MAPKAPK2: variants seen among roughly 807,000 people sequenced by gnomAD.
The protein encoded by MAPKAPK2 is MAPK activated protein kinase 2.
Under a neutral mutation model 48.8 loss-of-function variants are expected in MAPKAPK2, and 9 were observed. The ratio of observed to expected loss-of-function variants is 0.18; its 90% CI spans 0.11 to 0.32. MAPKAPK2 has a LOEUF of 0.32. Among genes scored for constraint, MAPKAPK2 ranks in the 10% least tolerant of loss-of-function variants. MAPKAPK2 has a pLI of 1.00. For synonymous variants in MAPKAPK2, 202 were observed against 190.6 expected, an observed-to-expected ratio of 1.06 and a Z score of -0.49; for missense variants, 331 against 498.3, an observed-to-expected ratio of 0.66 and a Z score of 3.20.
intron 1 of MAPKAPK2, among the ~76,000 whole-genome samples, chr1:206,710,029 A>AG (rs1673088847): frequency 6.6e-6 from 1 of 152,290 alleles, no homozygotes; most frequent in African/African-American, 2.4e-5. Context: ...CCTGAAAGGT[A>AG]ATCACTGCCA....
intron 1 of MAPKAPK2, among the ~76,000 whole-genome samples, chr1:206,699,286 G>A (rs35125368): frequency 0.13 from 20,150 of 152,210 alleles, 1,794 homozygotes; most frequent in Non-Finnish European, 0.2. Flanking sequence ...GCACCAGGGT[G>A]GCCAATAAAG....
chr1:206,688,700 CGA>C (rs1558571208), intron 1 of MAPKAPK2, among the ~76,000 whole-genome samples: 3 of 152,076 alleles, frequency 2.0e-5, no homozygotes, highest in African/African-American at 4.8e-5. Context: ...TGCAGTAGCA[CGA>C]TCTTGGCTCA....
At chr1:206,696,079 G>T in intron 1 of MAPKAPK2, 1 of 1,121,586 alleles carries the variant, frequency 8.9e-7, no homozygotes, top group Non-Finnish European at 1.4e-6. Context: ...CATCTCACCT[G>T]CCTTCACCTT....
chr1:206,725,050 G>A lies in MAPKAPK2; in HGVS notation c.280-3660G>A, dbSNP rs181336503. On this transcript the variant is annotated intron_variant, in intron 1 of 9. Transcript: ENST00000367103. ...CACAAGCTAGGAAGTGCAGAACTGG[G>A]ATTCAAAATGCATGCGATTGCAAAG... Among the ~76,000 whole-genome samples the A allele has an allele frequency of 4.8e-4, 73 of 152,344 alleles. 1 individual carries two copies. The highest frequency in any genetic ancestry group is 2.9e-5 in the Non-Finnish European group (2 of 68,038).
intron 1 of MAPKAPK2, among the ~76,000 whole-genome samples, chr1:206,722,400 G>T (rs1553431336): frequency 6.6e-6 from 1 of 152,014 alleles, no homozygotes; most frequent in African/African-American, 2.4e-5. Flanking sequence ...AGAAACAAAA[G>T]AAAACTTTTG....
At chr1:206,691,223 C>T (rs1226344154) in intron 1 of MAPKAPK2, among the ~76,000 whole-genome samples, 1 of 152,088 alleles carries the variant, frequency 6.6e-6, no homozygotes, top group Non-Finnish European at 1.5e-5. Flanking sequence ...AGACCTGGTT[C>T]CCTGGGACCT....
At chr1:206,688,859 C>T (rs1553425931) in intron 1 of MAPKAPK2, among the ~76,000 whole-genome samples, 1 of 152,142 alleles carries the variant, frequency 6.6e-6, no homozygotes, top group East Asian at 1.9e-4. Flanking sequence ...TGGTCTTGAT[C>T]TCCTGACCTC....
At chr1:206,720,488 A>C (rs1208685661) in intron 1 of MAPKAPK2, among the ~76,000 whole-genome samples, 5 of 152,082 alleles carry the variant, frequency 3.3e-5, no homozygotes, top group Non-Finnish European at 5.9e-5. Context: ...AGTAGCTGGG[A>C]TTGCTTACAG....
chr1:206,719,304 C>T (rs1553430896), intron 1 of MAPKAPK2, among the ~76,000 whole-genome samples: 3 of 152,190 alleles, frequency 2.0e-5, no homozygotes, highest in South Asian at 2.1e-4. Context: ...CCGACAGGCA[C>T]AGTGGCCCGC....
chr1:206,726,535 G>A (rs1001549899), intron 1 of MAPKAPK2, among the ~76,000 whole-genome samples: 11 of 152,244 alleles, frequency 7.2e-5, no homozygotes, highest in Non-Finnish European at 1.2e-4. Context: ...CCATGGGAGA[G>A]ACCGAGTTAT....
chr1:206,696,192 A>C (rs963007934), intron 1 of MAPKAPK2: 13 of 1,533,074 alleles, frequency 8.5e-6, no homozygotes, highest in Admixed American at 6.7e-5. Context: ...CACCAAATAC[A>C]TTCTCTCCTT....
chr1:206,714,539 G>C (rs1354407233), intron 1 of MAPKAPK2, among the ~76,000 whole-genome samples: 1 of 151,884 alleles, frequency 6.6e-6, no homozygotes, highest in Non-Finnish European at 1.5e-5. Flanking sequence ...GAGGCAGGCG[G>C]ATCACCTGAG....
At chr1:206,718,297 C>T (rs563612327) in intron 1 of MAPKAPK2, among the ~76,000 whole-genome samples, 6 of 152,108 alleles carry the variant, frequency 3.9e-5, no homozygotes, top group Non-Finnish European at 7.4e-5. Flanking sequence ...TTTGGGAGGC[C>T]GAGGCGGGCA....
chr1:206,708,731 A>G (rs1316977596), intron 1 of MAPKAPK2, among the ~76,000 whole-genome samples: 1 of 152,200 alleles, frequency 6.6e-6, no homozygotes, highest in African/African-American at 2.4e-5. Context: ...TAGAACAAAA[A>G]GTTTTATTAC....
intron 1 of MAPKAPK2, among the ~76,000 whole-genome samples, chr1:206,721,810 A>G (rs899425616): frequency 2.6e-5 from 4 of 152,328 alleles, no homozygotes; most frequent in East Asian, 1.9e-4. Context: ...TGGGCAGTCA[A>G]TTCACATAAA....
At chr1:206,714,202 C>T (rs1673246973) in intron 1 of MAPKAPK2, among the ~76,000 whole-genome samples, 1 of 152,168 alleles carries the variant, frequency 6.6e-6, no homozygotes, top group Admixed American at 6.5e-5. Context: ...AATGCTTTGT[C>T]ATCTCACTGC....
rs1673910764 is a variant in MAPKAPK2 at position 206,731,521 on chromosome 1, C to T, written c.893-119C>T. ...TAATGGTCCTTGGGGCCAGTTGCTC[C>T]GGCAGCCTGCCTCCATGCACCCCCT... is the stretch of plus-strand genomic sequence containing the variant. On this transcript the variant is annotated intron_variant, in intron 7 of 9. Transcript: ENST00000367103. The surrounding 1 kb of genome is among the most constrained non-coding windows in gnomAD (Gnocchi z 5.9). 18 of 1,101,036 alleles carry T rather than the reference C, an allele frequency of 1.6e-5. No individual in the cohort carries two copies. The highest frequency in any genetic ancestry group is 2.9e-4 in the Middle Eastern group (1 of 3,408). The allele number at this position is 1,101,036 out of a possible 1,614,324, so 68.2% of individuals were successfully genotyped here. A position where few individuals can be genotyped will look rare whatever the true frequency, so the allele number is the denominator to read the frequency against.
At chr1:206,717,909 A>G (rs1218173547) in intron 1 of MAPKAPK2, among the ~76,000 whole-genome samples, 1 of 152,188 alleles carries the variant, frequency 6.6e-6, no homozygotes, top group Admixed American at 6.5e-5. Context: ...CCTATTCCCC[A>G]GTAGTCAACA....
intron 1 of MAPKAPK2, among the ~76,000 whole-genome samples, chr1:206,695,368 C>T (rs1453735940): frequency 1.3e-5 from 2 of 151,922 alleles, no homozygotes; most frequent in Non-Finnish European, 2.9e-5. Flanking sequence ...CATGTAGCTT[C>T]CCAGCTTAAG....
Sources: allele counts gnomAD v4.1 joint callset (sites outside exome capture counted in the v4.1 genomes callset), GRCh38; gene constraint gnomAD v4.1.1; non-coding constraint Gnocchi (gnomAD v3.1); transcripts MANE v1.5; gene names NCBI Gene and HGNC (gene_info 2026-07-23, HGNC 2026-07-21).